Variants in MYRIP observed in about 807,000 individuals in gnomAD.
MYRIP encodes rab effector MyRIP.
Under a neutral mutation model 98.0 loss-of-function variants are expected in MYRIP, and 49 were observed. The ratio of observed to expected loss-of-function variants is 0.50; its 90% CI spans 0.40 to 0.63. MYRIP has a LOEUF of 0.63. Among genes scored for constraint, MYRIP ranks in the 30% least tolerant of loss-of-function variants. The probability of loss-of-function intolerance (pLI) is 0.00; values close to 1 mark genes in which losing one functional copy is unlikely to be tolerated. For missense variants in MYRIP, 1,004 were observed against 1,058.2 expected (o/e 0.95, Z 0.71); for synonymous variants, 404 against 409.5 (o/e 0.99, Z 0.16).
At chr3:39,827,290 C>A (rs184054904) in intron 1 of MYRIP, among the ~76,000 whole-genome samples, 2 of 152,162 alleles carry the variant, frequency 1.3e-5, no homozygotes, top group East Asian at 1.9e-4. Flanking sequence ...TTAAAAATTT[C>A]TTTGTAGAGA....
chr3:40,093,119 T>C (rs1052024218), intron 3 of MYRIP, among the ~76,000 whole-genome samples: 2 of 152,152 alleles, frequency 1.3e-5, no homozygotes, highest in Admixed American at 1.3e-4. Context: ...CATAGGGTTT[T>C]ATTAGGGGAC....
At position 39,999,751 on chromosome 3, in the gene MYRIP, C is replaced by T. The variant is rs192557439; in HGVS notation, c.111-44299C>T. On this transcript the variant is annotated intron_variant, in intron 2 of 16. Coordinates refer to ENST00000302541, the MANE Select transcript of MYRIP (RefSeq NM_015460.4). ...CATATGTTTATTGCAGCACTATTCA[C>T]GATAGCAAAGACTTGGAACCAAGCC... 1.5e-3 allele frequency among the ~76,000 whole-genome samples: 233 copies of T among 152,124 alleles called. 1 individual carries two copies. Among genetic ancestry groups the T allele is most frequent in the Non-Finnish European group, 2.5e-3 (169 of 68,008 alleles).
At chr3:39,959,743 T>C (rs1486852743) in intron 2 of MYRIP, among the ~76,000 whole-genome samples, 7 of 151,930 alleles carry the variant, frequency 4.6e-5, no homozygotes, top group Non-Finnish European at 1.0e-4. Context: ...AAGTGGATTG[T>C]ATAGAAGAAT....
intron 1 of MYRIP, among the ~76,000 whole-genome samples, chr3:39,861,301 C>G (rs576112179): frequency 1.3e-5 from 2 of 152,210 alleles, no homozygotes; most frequent in Non-Finnish European, 2.9e-5. Context: ...TAATCAAACC[C>G]CCAAGGACAT....
Position 40,022,924 on chromosome 3 carries a change from A to G in MYRIP, c.111-21126A>G, listed in dbSNP as rs75398366. Among the ~76,000 whole-genome samples, 113 of 152,298 alleles carry G rather than the reference A, an allele frequency of 7.4e-4. No homozygotes were observed. In the East Asian group the frequency reaches 0.021, roughly 28 times the overall value. On this transcript the variant is annotated intron_variant, in intron 2 of 16. Coordinates refer to ENST00000302541, the MANE Select transcript of MYRIP (RefSeq NM_015460.4). The stretch of plus-strand genomic sequence containing the variant: ...CATAAGATCGTGACCTGGAAAAGAG[A>G]CTGGCAGTTACAGATCCTAGGCAAA...
chr3:40,219,817 C>T (rs371850104), intron 11 of MYRIP, among the ~76,000 whole-genome samples: 2 of 151,564 alleles, frequency 1.3e-5, no homozygotes, highest in African/African-American at 4.9e-5. Flanking sequence ...GTCTTTATAG[C>T]AGCATGATTT....
intron 1 of MYRIP, among the ~76,000 whole-genome samples, chr3:39,825,730 C>T (rs1383808487): frequency 6.6e-6 from 1 of 152,112 alleles, no homozygotes; most frequent in Non-Finnish European, 1.5e-5. Flanking sequence ...GCTTCAATTC[C>T]TTTGAATAGT....
At chr3:39,937,750 A>C (rs1307066517) in intron 2 of MYRIP, among the ~76,000 whole-genome samples, 1 of 152,218 alleles carries the variant, frequency 6.6e-6, no homozygotes, top group Non-Finnish European at 1.5e-5. Flanking sequence ...TTTAACTTTC[A>C]TAACAATAGT....
chr3:40,056,175 C>T (rs552788137), intron 3 of MYRIP, among the ~76,000 whole-genome samples: 1 of 152,276 alleles, frequency 6.6e-6, no homozygotes, highest in South Asian at 2.1e-4. Context: ...CTTTCCGTTC[C>T]TTGGGATGTA....
intron 3 of MYRIP, among the ~76,000 whole-genome samples, chr3:40,051,072 T>C (rs1947786003): frequency 6.6e-6 from 1 of 152,162 alleles, no homozygotes; most frequent in Non-Finnish European, 1.5e-5. Flanking sequence ...TTTAGAATAG[T>C]TCATAAACTT....
intron 1 of MYRIP, among the ~76,000 whole-genome samples, chr3:39,857,255 G>GAGGAAGGAAGGAAGGAAGGA (rs144396473): frequency 0.01 from 1,396 of 135,914 alleles, 20 homozygotes; most frequent in East Asian, 0.01. Context: ...GGGAGGGAGG[G>GAGGAAGGAAGGAAGGAAGGA]AGGAAGGAAG....
intron 2 of MYRIP, among the ~76,000 whole-genome samples, chr3:39,917,739 C>T (rs1000699751): frequency 5.0e-5 from 6 of 119,704 alleles, no homozygotes; most frequent in Non-Finnish European, 9.0e-5. Flanking sequence ...GACCCCAAGT[C>T]TGTTACATCT....
intron 3 of MYRIP, among the ~76,000 whole-genome samples, chr3:40,072,760 C>T (rs1948259437): frequency 1.3e-5 from 2 of 151,942 alleles, no homozygotes; most frequent in Non-Finnish European, 1.5e-5. Context: ...TATTTCAATC[C>T]TGTGAAATGT....
chr3:39,835,626 G>A (rs1941595360), intron 1 of MYRIP, among the ~76,000 whole-genome samples: 2 of 152,116 alleles, frequency 1.3e-5, no homozygotes, highest in African/African-American at 4.8e-5. Context: ...TAAGTTCTGG[G>A]ATATATGTGC....
At chr3:39,918,482 C>T (rs770268467) in intron 2 of MYRIP, among the ~76,000 whole-genome samples, 1 of 152,124 alleles carries the variant, frequency 6.6e-6, no homozygotes, top group Non-Finnish European at 1.5e-5. Flanking sequence ...GGGTGAGTAT[C>T]CCGCAACCAC....
chr3:40,181,667 A>C (rs1399924000), intron 8 of MYRIP, among the ~76,000 whole-genome samples: 3 of 152,152 alleles, frequency 2.0e-5, no homozygotes, highest in Non-Finnish European at 4.4e-5. Flanking sequence ...ACATATATAT[A>C]TATAATGCAT....
chr3:40,182,115 C>T (rs1950895599), intron 8 of MYRIP, 105 bp from the exon 9 acceptor site: 3 of 1,249,984 alleles, frequency 2.4e-6, no homozygotes, highest in Non-Finnish European at 2.2e-6. Context: ...TACCATTAAA[C>T]ATGTTTTCTC....
At chr3:39,994,624 C>A (rs1163691594) in intron 2 of MYRIP, among the ~76,000 whole-genome samples, 1 of 152,208 alleles carries the variant, frequency 6.6e-6, no homozygotes, top group Non-Finnish European at 1.5e-5. Context: ...AGGGCATAGC[C>A]AAACAAAAGG....
chr3:39,836,871 T>C (rs953692507), intron 1 of MYRIP, among the ~76,000 whole-genome samples: 1 of 152,180 alleles, frequency 6.6e-6, no homozygotes, highest in Non-Finnish European at 1.5e-5. Context: ...GAGTAAATAC[T>C]ATTGGGGGCA....
Sources: allele counts gnomAD v4.1 joint callset (sites outside exome capture counted in the v4.1 genomes callset), GRCh38; gene constraint gnomAD v4.1.1; transcripts MANE v1.5; gene names NCBI Gene and HGNC (gene_info 2026-07-23, HGNC 2026-07-21).